ADK: variants seen among roughly 807,000 people sequenced by gnomAD.
The protein encoded by ADK is N6,N6-dimethyladenosine kinase.
ADK carries 24 observed loss-of-function variants against 44.7 expected under a neutral mutation model. The observed-to-expected ratio is 0.54, with a 90% confidence interval of 0.39 to 0.76. ADK has a LOEUF of 0.76. Ranked by LOEUF, ADK falls within the 30% of genes least tolerant of loss-of-function variation. ADK has a pLI of 0.00. For missense variants in ADK, 321 were observed against 425.1 expected, an observed-to-expected ratio of 0.76 and a Z score of 2.15; for synonymous variants, 128 against 142.6, an observed-to-expected ratio of 0.90 and a Z score of 0.73.
intron 4 of ADK, among the ~76,000 whole-genome samples, chr10:74,328,011 C>T (rs11000997): frequency 0.049 from 7,402 of 152,144 alleles, 641 homozygotes; most frequent in African/African-American, 0.17. Flanking sequence ...CGGGTTCAAG[C>T]GATTCTCATG....
intron 4 of ADK, among the ~76,000 whole-genome samples, chr10:74,360,326 G>T (rs1268587042): frequency 6.6e-6 from 1 of 152,124 alleles, no homozygotes; most frequent in Admixed American, 6.6e-5. Flanking sequence ...TTGTCCTGGA[G>T]AATGTTCCAT....
chr10:74,254,642 A>T (rs747568484), intron 3 of ADK, among the ~76,000 whole-genome samples: 1 of 152,082 alleles, frequency 6.6e-6, no homozygotes, highest in Admixed American at 6.5e-5. Flanking sequence ...TACTTTTCTT[A>T]TCTAATCACA....
chr10:74,221,396 C>T (rs1231547096), intron 2 of ADK, among the ~76,000 whole-genome samples: 1 of 151,588 alleles, frequency 6.6e-6, no homozygotes, highest in Non-Finnish European at 1.5e-5. Context: ...GAAGAACATT[C>T]CATGCTCATG....
intron 3 of ADK, among the ~76,000 whole-genome samples, chr10:74,312,429 T>TC (rs1840466933): frequency 6.6e-6 from 1 of 151,840 alleles, no homozygotes; most frequent in South Asian, 2.1e-4. Context: ...CATTCACTTT[T>TC]TTTTTTTTTT....
intron 6 of ADK, among the ~76,000 whole-genome samples, chr10:74,442,427 C>T (rs1307947046): frequency 1.3e-5 from 2 of 152,172 alleles, no homozygotes; most frequent in Non-Finnish European, 2.9e-5. Flanking sequence ...GGGCGGATCA[C>T]TTGAGGACAG....
Position 74,431,709 on chromosome 10 carries a change from C to A in ADK, c.555+33130C>A, listed in dbSNP as rs1845005796. ...TGAGCCTAGATTGTGCCACTGTGCTCCAGCCTGGGCAACAGAGCAAGACTC... is the reference window on the plus strand; with the variant it reads ...TGAGCCTAGATTGTGCCACTGTGCTACAGCCTGGGCAACAGAGCAAGACTC... On this transcript the variant is annotated intron_variant, in intron 6 of 10. Transcript: ENST00000539909. 2.0e-5 allele frequency among the ~76,000 whole-genome samples: 3 copies of A among 151,662 alleles called. No individual in the cohort carries two copies. In the South Asian group the frequency reaches 6.2e-4, roughly 32 times the overall value.
At chr10:74,243,606 C>T (rs1018823197) in intron 3 of ADK, among the ~76,000 whole-genome samples, 8 of 152,148 alleles carry the variant, frequency 5.3e-5, no homozygotes, top group South Asian at 4.1e-4. Flanking sequence ...TAAGGCTGGG[C>T]GCAGTGGCTC....
chr10:74,231,640 A>AT (rs1014822956), intron 3 of ADK, among the ~76,000 whole-genome samples: 1 of 151,738 alleles, frequency 6.6e-6, no homozygotes, highest in Admixed American at 6.6e-5. Context: ...TAATTTTTGT[A>AT]TTTTTTGTTG....
At chr10:74,586,703 A>T (rs1851536278) in intron 7 of ADK, among the ~76,000 whole-genome samples, 1 of 152,098 alleles carries the variant, frequency 6.6e-6, no homozygotes, top group South Asian at 2.1e-4. Flanking sequence ...AAAAATACAA[A>T]ATTAGCTGGG....
At chr10:74,528,796 C>T (rs971616696) in intron 7 of ADK, among the ~76,000 whole-genome samples, 1 of 152,060 alleles carries the variant, frequency 6.6e-6, no homozygotes, top group African/African-American at 2.4e-5. Flanking sequence ...TCAAGAAGTG[C>T]AAATCAAAAC....
chr10:74,533,339 G>A (rs947749055), intron 7 of ADK, among the ~76,000 whole-genome samples: 14 of 152,034 alleles, frequency 9.2e-5, no homozygotes, highest in African/African-American at 3.1e-4. Flanking sequence ...CCAAACCAAC[G>A]TGGATTTTAA....
chr10:74,515,825 A>G (rs1411881253), intron 6 of ADK, among the ~76,000 whole-genome samples: 1 of 152,126 alleles, frequency 6.6e-6, no homozygotes, highest in East Asian at 1.9e-4. Context: ...TGTTGGTGGT[A>G]TGGCCATGGT....
chr10:74,298,591 A>T (rs1284276710), intron 3 of ADK, among the ~76,000 whole-genome samples: 1 of 152,026 alleles, frequency 6.6e-6, no homozygotes. Context: ...TATCTTTTCA[A>T]AAATAAAAAT....
chr10:74,196,824 A>G lies in ADK; in HGVS notation c.66-3940A>G, dbSNP rs192055270. 4.4e-3 allele frequency among the ~76,000 whole-genome samples: 677 copies of G among 152,270 alleles called. 3 individuals are homozygous for G. Among genetic ancestry groups the G allele is most frequent in the Middle Eastern group, 0.034 (10 of 294 alleles). ...GACCTGCACTTGTACCCCTTTACTT[A>G]AAAAAGCAAAACAAAACAACAGAAA... On this transcript the variant is annotated intron_variant, in intron 1 of 10. Transcript: ENST00000539909.
chr10:74,185,529 T>TTG (rs946684638), intron 1 of ADK, among the ~76,000 whole-genome samples: 3 of 151,724 alleles, frequency 2.0e-5, no homozygotes, highest in African/African-American at 7.3e-5. Context: ...TAATTTTTTT[T>TTG]TTTTTTTGAA....
intron 7 of ADK, among the ~76,000 whole-genome samples, chr10:74,542,734 A>T (rs968164031): frequency 3.3e-5 from 5 of 152,072 alleles, no homozygotes; most frequent in Non-Finnish European, 1.5e-5. Flanking sequence ...TAGCAGCTAA[A>T]TGCATATTTT....
At chr10:74,620,347 G>A (rs1041047135) in intron 9 of ADK, among the ~76,000 whole-genome samples, 2 of 151,898 alleles carry the variant, frequency 1.3e-5, no homozygotes, top group African/African-American at 4.8e-5. Context: ...TAGCTTCCAC[G>A]TACGAGTGAG....
At chr10:74,165,089 T>C (rs189975168) in intron 1 of ADK, among the ~76,000 whole-genome samples, 1 of 152,186 alleles carries the variant, frequency 6.6e-6, no homozygotes, top group Admixed American at 6.5e-5. Flanking sequence ...TGTTCTCAGG[T>C]AGAGTTGGAA....
chr10:74,258,975 G>A (rs1345991698), intron 3 of ADK, among the ~76,000 whole-genome samples: 15 of 133,642 alleles, frequency 1.1e-4, no homozygotes, highest in Non-Finnish European at 1.6e-4. Context: ...TTTTTGAGAC[G>A]GAGTCTCCCT....
Sources: gnomAD v4.1 joint callset for allele counts (sites outside exome capture counted in the v4.1 genomes callset) on GRCh38, gnomAD v4.1.1 for gene constraint, MANE v1.5 for transcripts, NCBI Gene and HGNC (gene_info 2026-07-23, HGNC 2026-07-21) for gene names.